Variants in SBNO2 observed in about 807,000 individuals in gnomAD.
SBNO2 encodes the protein protein strawberry notch homolog 2.
A neutral mutation model predicts 146.3 loss-of-function variants in SBNO2; 89 were observed. That is an observed-to-expected ratio of 0.61 (90% CI 0.51 to 0.73). SBNO2 has a LOEUF of 0.73. SBNO2 is among the 30% of genes least tolerant of loss of function. The pLI is 0.00. For missense variants in SBNO2, 2,092 were observed against 2,003.7 expected (o/e 1.04, Z -0.84); for synonymous variants, 1,147 against 892.6 (o/e 1.29, Z -5.08).
intron 4 of SBNO2, among the ~76,000 whole-genome samples, chr19:1,138,433 T>C (rs1046976233): frequency 6.6e-6 from 1 of 151,896 alleles, no homozygotes; most frequent in Non-Finnish European, 1.5e-5. Flanking sequence ...GACCCAGTCA[T>C]GCCTGGAACA....
rs547687245 is a variant in SBNO2 at position 1,127,509 on chromosome 19, G to C, written c.441+95C>G. 1,033 of 1,175,948 alleles carry C rather than the reference G, an allele frequency of 8.8e-4. 2 individuals carry two copies. In the African/African-American group the frequency reaches 0.014, roughly 15 times the overall value. 72.8% of individuals were successfully genotyped at this position (1,175,948 alleles called of 1,614,324 possible). On this transcript the variant is annotated intron_variant, in intron 5 of 31. Transcript: ENST00000361757. ...AGGCACAGCCATTGGCACGCAGAGTGGGGGAGACTGAGACCTCACTGGACC... is the reference window on the plus strand; with the variant it reads ...AGGCACAGCCATTGGCACGCAGAGTCGGGGAGACTGAGACCTCACTGGACC...
chr19:1,116,666 C>A (rs1046579518), intron 16 of SBNO2, among the ~76,000 whole-genome samples, 163 bp downstream of exon 16: 11 of 152,108 alleles, frequency 7.2e-5, no homozygotes, highest in African/African-American at 2.7e-4. Flanking sequence ...AGACCTGGAG[C>A]AGCGGTGAAG....
At chr19:1,128,811 T>TA (rs2079996524) in intron 4 of SBNO2, among the ~76,000 whole-genome samples, 1 of 151,234 alleles carries the variant, frequency 6.6e-6, no homozygotes, top group Non-Finnish European at 1.5e-5. Context: ...CTACTAAAAA[T>TA]ACAAAAATTA....
At chr19:1,122,620 A>AGAC in intron 9 of SBNO2, 38 bp downstream of exon 9, 1 of 220,692 alleles carries the variant, frequency 4.5e-6, no homozygotes, top group East Asian at 1.6e-4. Context: ...TCCGCCCCCC[A>AGAC]CCCCCGCTCC....
chr19:1,121,231 A>T (rs886269048), intron 11 of SBNO2, among the ~76,000 whole-genome samples: 2 of 152,256 alleles, frequency 1.3e-5, no homozygotes, highest in Non-Finnish European at 2.9e-5. Flanking sequence ...AAGTTCCAGG[A>T]AAGCAGTCTG....
intron 4 of SBNO2, chr19:1,128,271 G>T: frequency 2.1e-6 from 1 of 470,126 alleles, no homozygotes; most frequent in Non-Finnish European, 4.2e-6. Flanking sequence ...GGTCTGGGGT[G>T]AGCCTGGTGC....
intron 24 of SBNO2, 94 bp from the exon 25 acceptor site, chr19:1,111,187 G>C (rs1014251901): frequency 1.7e-5 from 24 of 1,386,714 alleles, no homozygotes; most frequent in African/African-American, 4.3e-5. Context: ...AGCTCCCTGG[G>C]GGGCTGGGGA....
At chr19:1,128,401 T>A in intron 4 of SBNO2, 1 of 291,018 alleles carries the variant, frequency 3.4e-6, no homozygotes, top group South Asian at 2.6e-5. Flanking sequence ...CATTTCATTT[T>A]TTTTTTTTTG....
Position 1,140,707 on chromosome 19 carries a change from G to A in SBNO2, c.279+6602C>T, listed in dbSNP as rs555463991. ...GAAGGCACACGGAAAACAGACGGAC[G>A]CAGCAGGGATGCCCGCAGGCAGCTC... On this transcript the variant is annotated intron_variant, in intron 4 of 31. Coordinates refer to ENST00000361757, the MANE Select transcript of SBNO2 (RefSeq NM_014963.3). This position sits in a 1 kb window ranked among gnomAD's most constrained non-coding sequence, Gnocchi z 4.4. Among the ~76,000 whole-genome samples the A allele has an allele frequency of 7.9e-5, 12 of 152,340 alleles. No individual in the cohort carries two copies. The highest frequency in any genetic ancestry group is 5.9e-4 in the Admixed American group (9 of 15,310).
chr19:1,119,299 G>T, intron 13 of SBNO2, 135 bp from the exon 14 acceptor site: 4 of 1,157,174 alleles, frequency 3.5e-6, no homozygotes, highest in Non-Finnish European at 4.8e-6. Context: ...GAGGCAGTTG[G>T]CAGCTGAGCC....
At chr19:1,135,040 T>C (rs951531371) in intron 4 of SBNO2, among the ~76,000 whole-genome samples, 13 of 120,904 alleles carry the variant, frequency 1.1e-4, no homozygotes, top group African/African-American at 4.9e-4. Flanking sequence ...AGCAAGACTC[T>C]GTCTCAAAAA....
chr19:1,144,417 C>A lies in SBNO2; in HGVS notation c.279+2892G>T, dbSNP rs573834097. ...TAGGCAGGGTGGGCAGGGAGCCGGG[C>A]GGGCGGTGCTCACAGAACCAGCACA... On this transcript the variant is annotated intron_variant, in intron 4 of 31. Transcript: ENST00000361757. The surrounding 1 kb of genome is among the most constrained non-coding windows in gnomAD (Gnocchi z 4.1). 6.6e-6 allele frequency among the ~76,000 whole-genome samples: 1 copy of A among 152,140 alleles called. No homozygotes were observed. Among genetic ancestry groups the A allele is most frequent in the Non-Finnish European group, 1.5e-5 (1 of 68,024 alleles).
intron 4 of SBNO2, chr19:1,132,058 G>T: frequency 6.7e-7 from 1 of 1,495,906 alleles, no homozygotes. Context: ...CTGCCCCCGA[G>T]GGCCTCGCCC....
At chr19:1,148,274 C>G (rs988881070) in intron 3 of SBNO2, among the ~76,000 whole-genome samples, 1 of 152,020 alleles carries the variant, frequency 6.6e-6, no homozygotes, top group Admixed American at 6.5e-5. Context: ...GGTTTGCAAA[C>G]ACCAGCAGGA....
chr19:1,142,892 G>C (rs938378152), intron 4 of SBNO2, among the ~76,000 whole-genome samples: 1 of 151,220 alleles, frequency 6.6e-6, no homozygotes, highest in South Asian at 2.1e-4. Context: ...GCTTGAACCC[G>C]CCAGGCAGAG....
rs2079759571 is a variant in SBNO2 at position 1,111,513 on chromosome 19, G to A, written c.2802C>T (p.Phe934=). Residue 934 remains phenylalanine, a synonymous_variant, in exon 24 of 32, where the codon TTC becomes TTT. Transcript: ENST00000361757. ...CCCACCAGCCCAGCTTACCCCGGAA[G>A]AAGGTGGGGACCCCTCCAGGGTATC... ...PQGYPGGVPT[F]FRDMKQGLLS... is the part of the protein sequence containing the mutation. 2.5e-6 allele frequency: 4 copies of A among 1,576,424 alleles called. No individual in the cohort carries two copies. The highest frequency in any genetic ancestry group is 4.7e-5 in the East Asian group (2 of 42,930).
Position 1,109,032 on chromosome 19 carries a change from GC to G in SBNO2, c.3426-64del, listed in dbSNP as rs1296176169. ...CCAGGGGCCCGCAGGCTCCCCAGGT[GC>G]CCTGAGATCTCCCGCCTCCTCTCAG... On this transcript the variant is annotated intron_variant, in intron 30 of 31. Coordinates refer to ENST00000361757, the MANE Select transcript of SBNO2 (RefSeq NM_014963.3). The surrounding 1 kb of genome is among the most constrained non-coding windows in gnomAD (Gnocchi z 4.2). 1 of 1,495,530 alleles carries G rather than the reference GC, an allele frequency of 6.7e-7. No individual in the cohort carries two copies. The highest frequency in any genetic ancestry group is 8.9e-7 in the Non-Finnish European group (1 of 1,123,614). The allele number at this position is 1,495,530 out of a possible 1,614,324, so 92.6% of individuals were successfully genotyped here. A position where few individuals can be genotyped will look rare whatever the true frequency, so the allele number is the denominator to read the frequency against.
chr19:1,156,581 C>T (rs1395666543), intron 1 of SBNO2, among the ~76,000 whole-genome samples: 1 of 152,130 alleles, frequency 6.6e-6, no homozygotes, highest in Non-Finnish European at 1.5e-5. Context: ...TCACAACAGC[C>T]ACCCGAGGAA....
intron 4 of SBNO2, chr19:1,132,337 T>TGCCG: frequency 7.9e-7 from 1 of 1,266,056 alleles, no homozygotes; most frequent in East Asian, 3.2e-5. Context: ...CAGGAAATGA[T>TGCCG]GCCGGCCCCG....
Sources: gnomAD v4.1 joint callset for allele counts (sites outside exome capture counted in the v4.1 genomes callset) on GRCh38, gnomAD v4.1.1 for gene constraint, Gnocchi (gnomAD v3.1) non-coding constraint, MANE v1.5 for transcripts, NCBI Gene and HGNC (gene_info 2026-07-23, HGNC 2026-07-21) for gene names.